Variants in SLC6A3 observed in about 807,000 individuals in gnomAD.
The protein encoded by SLC6A3 is sodium-dependent dopamine transporter.
In SLC6A3, 19 loss-of-function variants were observed where a neutral mutation model predicts 70.4. The ratio of observed to expected loss-of-function variants is 0.27; its 90% CI spans 0.19 to 0.40. The LOEUF is 0.40. Among genes scored for constraint, SLC6A3 ranks in the 10% least tolerant of loss-of-function variants. The pLI is 1.00. For synonymous variants in SLC6A3, 368 were observed against 356.6 expected, an observed-to-expected ratio of 1.03 and a Z score of -0.36; for missense variants, 613 against 838.5, an observed-to-expected ratio of 0.73 and a Z score of 3.32.
At chr5:1,417,369 GCATGGA>G (rs1756328772) in intron 6 of SLC6A3, among the ~76,000 whole-genome samples, 1 of 152,220 alleles carries the variant, frequency 6.6e-6, no homozygotes, top group South Asian at 2.1e-4. Flanking sequence ...CCTCAGAAAG[GCATGGA>G]CCCATCCACA....
At chr5:1,445,154 G>C (rs1166764167) in intron 1 of SLC6A3, among the ~76,000 whole-genome samples, 194 bp downstream of exon 1, 1 of 152,172 alleles carries the variant, frequency 6.6e-6, no homozygotes, top group Non-Finnish European at 1.5e-5. Context: ...CGCCTCGGAC[G>C]GCCTCAGGGT....
chr5:1,407,176 C>T (rs1333467231), intron 11 of SLC6A3, among the ~76,000 whole-genome samples: 1 of 152,196 alleles, frequency 6.6e-6, no homozygotes, highest in South Asian at 2.1e-4. Context: ...AGTGGTTTCT[C>T]CCCCCACATC....
chr5:1,416,750 A>G (rs985919223), intron 6 of SLC6A3, among the ~76,000 whole-genome samples: 10 of 145,872 alleles, frequency 6.9e-5, no homozygotes, highest in Non-Finnish European at 9.0e-5. Flanking sequence ...ATCCACACAC[A>G]ACATGACCGC....
chr5:1,443,761 T>G (rs1314419650), intron 1 of SLC6A3, among the ~76,000 whole-genome samples: 3 of 152,168 alleles, frequency 2.0e-5, no homozygotes, highest in African/African-American at 7.2e-5. Flanking sequence ...CTCAACCTCC[T>G]AGGTTCAAGT....
chr5:1,435,546 G>A (rs1756809443), intron 3 of SLC6A3, among the ~76,000 whole-genome samples: 1 of 152,234 alleles, frequency 6.6e-6, no homozygotes, highest in Non-Finnish European at 1.5e-5. Flanking sequence ...CATCACCATG[G>A]CCACTGTGCA....
Position 1,394,941 on chromosome 5 carries a change from A to G in SLC6A3, c.1840-183T>C, listed in dbSNP as rs573284490. On this transcript the variant is annotated intron_variant, in intron 14 of 14. Transcript: ENST00000270349. This position sits in a 1 kb window ranked among gnomAD's most constrained non-coding sequence, Gnocchi z 4.7. ...AACACACCCTTGACAGGTGCCGGGG[A>G]TCCGATGCCTCACTCAAACTCCTAC... 6.6e-6 allele frequency among the ~76,000 whole-genome samples: 1 copy of G among 152,318 alleles called. No individual in the cohort carries two copies. The highest frequency in any genetic ancestry group is 2.4e-5 in the African/African-American group (1 of 41,578).
chr5:1,441,804 T>C (rs1167348154), intron 2 of SLC6A3, among the ~76,000 whole-genome samples: 2 of 152,090 alleles, frequency 1.3e-5, no homozygotes, highest in African/African-American at 4.8e-5. Flanking sequence ...CCCGTGGTGG[T>C]TCGGGGTGCC....
chr5:1,417,083 CT>C (rs1477301043), intron 6 of SLC6A3, among the ~76,000 whole-genome samples: 1 of 151,642 alleles, frequency 6.6e-6, no homozygotes, highest in Non-Finnish European at 1.5e-5. Context: ...TCACAACCCC[CT>C]GAGTGTGTCC....
rs1303691909 is a variant in SLC6A3 at position 1,397,617 on chromosome 5, C to T, written c.1840-2859G>A. The stretch of plus-strand genomic sequence containing the variant: ...CCACGGAACACTGCTGCCTCCAAAA[C>T]GCAGAGATAGTCCCTGTCAGCCTAG... On this transcript the variant is annotated intron_variant, in intron 14 of 14. Transcript: ENST00000270349. The surrounding 1 kb of genome is among the most constrained non-coding windows in gnomAD (Gnocchi z 4.7). 6.6e-6 allele frequency among the ~76,000 whole-genome samples: 1 copy of T among 152,182 alleles called. No homozygotes were observed. The highest frequency in any genetic ancestry group is 2.4e-5 in the African/African-American group (1 of 41,442).
chr5:1,399,266 T>C (rs2126315527), intron 14 of SLC6A3, among the ~76,000 whole-genome samples: 1 of 152,276 alleles, frequency 6.6e-6, no homozygotes, highest in South Asian at 2.1e-4. Flanking sequence ...AATTAAAATA[T>C]ACTTAGAACT....
chr5:1,401,553 C>T lies in SLC6A3; in HGVS notation c.1768-567G>A, dbSNP rs969764143. Among the ~76,000 whole-genome samples the T allele has an allele frequency of 1.3e-5, 2 of 152,194 alleles. No individual in the cohort carries two copies. The highest frequency in any genetic ancestry group is 4.8e-5 in the African/African-American group (2 of 41,444). On this transcript the variant is annotated intron_variant, in intron 13 of 14. Transcript: ENST00000270349. The surrounding 1 kb of genome is among the most constrained non-coding windows in gnomAD (Gnocchi z 6.1). ...GAGCTCACCCTCTCGGGCCTGGATG[C>T]CTGTATCTGGATCTCTGAGGCCAGG...
At chr5:1,440,196 T>G (rs1316599270) in intron 3 of SLC6A3, among the ~76,000 whole-genome samples, 1 of 152,080 alleles carries the variant, frequency 6.6e-6, no homozygotes, top group Non-Finnish European at 1.5e-5. Context: ...GATGGATGGA[T>G]GGAACAATGG....
At position 1,438,621 on chromosome 5, in the gene SLC6A3, G is replaced by A. The variant is rs1756896730; in HGVS notation, c.418+2738C>T. Among the ~76,000 whole-genome samples the A allele has an allele frequency of 6.6e-6, 1 of 152,294 alleles. No individual in the cohort carries two copies. The highest frequency in any genetic ancestry group is 2.4e-5 in the African/African-American group (1 of 41,550). On this transcript the variant is annotated intron_variant, in intron 3 of 14. Transcript: ENST00000270349. The surrounding 1 kb of genome is among the most constrained non-coding windows in gnomAD (Gnocchi z 6.5). ...TGAACATCCTTTCTGTGTGACAGACGGAAGGAAATGAGCTCTTATCTGCGG... is the reference window on the plus strand; with the variant it reads ...TGAACATCCTTTCTGTGTGACAGACAGAAGGAAATGAGCTCTTATCTGCGG...
intron 9 of SLC6A3, 22 bp from the exon 10 acceptor site, chr5:1,409,871 G>A (rs1291354843): frequency 6.8e-6 from 11 of 1,612,492 alleles, no homozygotes; most frequent in South Asian, 3.3e-5. Context: ...GCACAGGGTC[G>A]GGCTGCAGGC....
At chr5:1,424,783 C>T (rs542921518) in intron 4 of SLC6A3, among the ~76,000 whole-genome samples, 98 of 152,336 alleles carry the variant, frequency 6.4e-4, no homozygotes, top group African/African-American at 2.1e-3. Flanking sequence ...CACACTGGGT[C>T]GAGCCCCTTC....
At chr5:1,435,945 G>A (rs777947689) in intron 3 of SLC6A3, among the ~76,000 whole-genome samples, 1 of 149,958 alleles carries the variant, frequency 6.7e-6, no homozygotes, top group Non-Finnish European at 1.5e-5. Flanking sequence ...CCTCCTGGAT[G>A]CTTCCCTGGG....
Position 1,396,342 on chromosome 5 carries a change from G to A in SLC6A3, c.1840-1584C>T, listed in dbSNP as rs995977598. Reference sequence around the variant, plus strand: ...CAAGCCCCAAATAAACAAAACACACGTGCCGATGACCTTCCAGACCATGGA... The same window carrying A: ...CAAGCCCCAAATAAACAAAACACACATGCCGATGACCTTCCAGACCATGGA... On this transcript the variant is annotated intron_variant, in intron 14 of 14. Transcript: ENST00000270349. The surrounding 1 kb of genome is among the most constrained non-coding windows in gnomAD (Gnocchi z 7.0). 2.6e-5 allele frequency among the ~76,000 whole-genome samples: 4 copies of A among 152,190 alleles called. No individual in the cohort carries two copies. Among genetic ancestry groups the A allele is most frequent in the African/African-American group, 7.2e-5 (3 of 41,452 alleles).
intron 4 of SLC6A3, among the ~76,000 whole-genome samples, chr5:1,428,020 T>C (rs10053602): frequency 0.21 from 31,486 of 151,804 alleles, 3,337 homozygotes; most frequent in South Asian, 0.23. Context: ...TTATGCAACT[T>C]TCCAACCAAA....
chr5:1,438,731 A>G lies in SLC6A3; in HGVS notation c.418+2628T>C, dbSNP rs1756899256. Among the ~76,000 whole-genome samples, 1 of 152,186 alleles carries G rather than the reference A, an allele frequency of 6.6e-6. No homozygotes were observed. The highest frequency in any genetic ancestry group is 1.5e-5 in the Non-Finnish European group (1 of 68,030). On this transcript the variant is annotated intron_variant, in intron 3 of 14. Transcript: ENST00000270349. This position sits in a 1 kb window ranked among gnomAD's most constrained non-coding sequence, Gnocchi z 6.5. ...TTTAACTTGCTCCAACACCAGGCTCACTGGCGGGAGTGGGGCACAGGGCTG... is the reference window on the plus strand; with the variant it reads ...TTTAACTTGCTCCAACACCAGGCTCGCTGGCGGGAGTGGGGCACAGGGCTG...
Sources: allele counts gnomAD v4.1 joint callset (sites outside exome capture counted in the v4.1 genomes callset), GRCh38; gene constraint gnomAD v4.1.1; non-coding constraint Gnocchi (gnomAD v3.1); transcripts MANE v1.5; gene names NCBI Gene and HGNC (gene_info 2026-07-23, HGNC 2026-07-21).